The following XPO6 variants were observed in gnomAD, a reference collection of about 807,000 sequenced individuals.
The protein encoded by XPO6 is exportin-6.
A neutral mutation model predicts 130.0 loss-of-function variants in XPO6; 3 were observed. The ratio of observed to expected loss-of-function variants is 0.02; its 90% CI spans 0.01 to 0.06. The LOEUF (loss-of-function observed/expected upper bound fraction) is 0.06. Ranked by LOEUF, XPO6 falls within the 10% of genes least tolerant of loss-of-function variation. XPO6 has a pLI of 1.00. For missense variants in XPO6, 970 were observed against 1,393.0 expected (o/e 0.70, Z 4.83); for synonymous variants, 524 against 548.9 (o/e 0.95, Z 0.63).
chr16:28,142,892 G>A (rs1223852744), intron 9 of XPO6, among the ~76,000 whole-genome samples: 1 of 152,040 alleles, frequency 6.6e-6, no homozygotes, highest in African/African-American at 2.4e-5. Context: ...TTAAGTTTTT[G>A]TAGAGACAGG....
chr16:28,124,175 A>T (rs2087329748), intron 13 of XPO6, among the ~76,000 whole-genome samples: 1 of 150,980 alleles, frequency 6.6e-6, no homozygotes. Context: ...CTCCTGTCTC[A>T]GCCTCCTGAG....
chr16:28,189,619 A>AAACG (rs2043753881), intron 1 of XPO6, among the ~76,000 whole-genome samples: 1 of 151,596 alleles, frequency 6.6e-6, no homozygotes, highest in Non-Finnish European at 1.5e-5. Flanking sequence ...TGAAGCAAAC[A>AAACG]GACAACCACA....
chr16:28,128,723 C>T (rs976634168), intron 12 of XPO6, among the ~76,000 whole-genome samples: 9 of 152,150 alleles, frequency 5.9e-5, no homozygotes, highest in African/African-American at 9.7e-5. Context: ...TCCTGGACCT[C>T]GGCTGAATGC....
At chr16:28,190,893 G>A (rs2043776084) in intron 1 of XPO6, among the ~76,000 whole-genome samples, 1 of 13,706 alleles carries the variant, frequency 7.3e-5, no homozygotes, top group Non-Finnish European at 1.4e-4. Flanking sequence ...TATAAAGAGG[G>A]AACGTGCAAA....
chr16:28,100,655 C>T (rs977768377), intron 23 of XPO6, among the ~76,000 whole-genome samples: 3 of 152,184 alleles, frequency 2.0e-5, no homozygotes, highest in Admixed American at 6.5e-5. Context: ...AGGGAGAAAG[C>T]GATTTCTTTT....
chr16:28,127,492 T>C (rs1432388636), intron 12 of XPO6, among the ~76,000 whole-genome samples: 1 of 152,124 alleles, frequency 6.6e-6, no homozygotes, highest in African/African-American at 2.4e-5. Flanking sequence ...ATGATTTAGA[T>C]GCAACAGAAC....
chr16:28,140,471 A>G (rs2042869764), intron 9 of XPO6, among the ~76,000 whole-genome samples: 1 of 152,136 alleles, frequency 6.6e-6, no homozygotes, highest in African/African-American at 2.4e-5. Flanking sequence ...CAAGGTCATG[A>G]GATTGAGACC....
Position 28,156,335 on chromosome 16 carries a change from C to G in XPO6, c.836G>C (p.Arg279Pro), listed in dbSNP as rs746452823. ...TCTGGCCCGGATGTCACAGCCAAAT[C>G]GTGCAAAGTGGAAGATGGTGGTAAG... ...SLLTTIFHFARFGCDIRARKM... is the reference protein window; with the variant it reads ...SLLTTIFHFAPFGCDIRARKM... The change falls in exon 7 of 24, where the codon CGA (arginine) becomes CCA (proline). Residue 279 changes from arginine (R) to proline (P), a missense_variant. By Grantham distance (103) the Arg-to-Pro change is moderately radical. This residue lies in a region of XPO6 where 936 missense variants were observed against 1,306.8 expected (regional missense o/e 0.72). Transcript: ENST00000304658. 2.5e-6 allele frequency: 4 copies of G among 1,613,828 alleles called. No individual in the cohort carries two copies. Among genetic ancestry groups the G allele is most frequent in the Non-Finnish European group, 3.4e-6 (4 of 1,180,004 alleles).
Position 28,107,658 on chromosome 16 carries a change from C to T in XPO6, c.2361G>A (p.Gln787=). 1 of 1,613,886 alleles carries T rather than the reference C, an allele frequency of 6.2e-7. No individual in the cohort carries two copies. The highest frequency in any genetic ancestry group is 1.3e-5 in the African/African-American group (1 of 74,990). The change falls in exon 18 of 24, where the codon CAG becomes CAA. Residue 787 remains glutamine (Q), a synonymous_variant. Coordinates refer to ENST00000304658, the MANE Select transcript of XPO6 (RefSeq NM_015171.4). ...PLDDTKLIIH[Q]TLSVLEDIVE... ...CAATATCTTCTAAGACGCTGAGTGT[C>T]TGGTGGATAATCAGTTTGGCTGCAA...
chr16:28,206,139 TACAC>T (rs138219018), intron 1 of XPO6, among the ~76,000 whole-genome samples: 32 of 142,830 alleles, frequency 2.2e-4, no homozygotes, highest in East Asian at 8.2e-4. Flanking sequence ...TAGAAAGCAA[TACAC>T]ACACACACAC....
At chr16:28,165,142 AG>A (rs1203878936) in intron 6 of XPO6, 1 of 152,242 alleles carries the variant, frequency 6.6e-6, no homozygotes, top group Non-Finnish European at 1.5e-5. Flanking sequence ...GCTGGAGCCC[AG>A]GAAGTCGAGG....
At chr16:28,109,933 G>C (rs998285227) in intron 17 of XPO6, among the ~76,000 whole-genome samples, 2 of 152,204 alleles carry the variant, frequency 1.3e-5, no homozygotes, top group African/African-American at 2.4e-5. Context: ...TTAAGAAAAA[G>C]TGTGTTGCAG....
At chr16:28,146,880 C>T (rs191430818) in intron 8 of XPO6, among the ~76,000 whole-genome samples, 12 of 152,304 alleles carry the variant, frequency 7.9e-5, no homozygotes, top group Admixed American at 6.5e-4. Flanking sequence ...ACAATGAAGA[C>T]CACTGCACTA....
At chr16:28,173,898 G>A (rs1273660684) in intron 4 of XPO6, among the ~76,000 whole-genome samples, 2 of 152,164 alleles carry the variant, frequency 1.3e-5, no homozygotes, top group African/African-American at 2.4e-5. Flanking sequence ...AATCCCAGCG[G>A]TGGAACTGTG....
At position 28,101,386 on chromosome 16, in the gene XPO6, CCTTGCTGCACAGGTGCCAGG is replaced by C; in HGVS notation, c.3276+52_3276+71del. The C allele has an allele frequency of 7.2e-7, 1 of 1,392,524 alleles. No individual in the cohort carries two copies. Among genetic ancestry groups the C allele is most frequent in the Non-Finnish European group, 1.0e-6 (1 of 984,142 alleles). 86.3% of individuals were successfully genotyped at this position (1,392,524 alleles called of 1,614,324 possible). ...GCCCAGAGGCCTCAATGTGCCCCCT[CCTTGCTGCACAGGTGCCAGG>C]CTTGCGTGCCCACTCTGCCCTCCTC... On this transcript the variant is annotated intron_variant, in intron 23 of 23. Transcript: ENST00000304658. This position sits in a 1 kb window ranked among gnomAD's most constrained non-coding sequence, Gnocchi z 5.4.
intron 9 of XPO6, among the ~76,000 whole-genome samples, chr16:28,144,437 T>C (rs1313333490): frequency 6.6e-6 from 1 of 152,228 alleles, no homozygotes; most frequent in Non-Finnish European, 1.5e-5. Context: ...AGTCTCACTA[T>C]GTTCCCAGCC....
intron 2 of XPO6, among the ~76,000 whole-genome samples, chr16:28,180,407 T>C (rs987962271): frequency 2.0e-5 from 3 of 152,116 alleles, no homozygotes; most frequent in Admixed American, 1.3e-4. Flanking sequence ...GGATCTTACA[T>C]TGCCCAGGCA....
chr16:28,184,001 A>C (rs1248394036), intron 1 of XPO6, among the ~76,000 whole-genome samples: 3 of 152,190 alleles, frequency 2.0e-5, no homozygotes, highest in Non-Finnish European at 4.4e-5. Context: ...TTTGGCAACA[A>C]AGCCACCGGA....
intron 1 of XPO6, among the ~76,000 whole-genome samples, chr16:28,190,844 A>G (rs1294141659): frequency 1.3e-5 from 2 of 152,098 alleles, no homozygotes; most frequent in Non-Finnish European, 2.9e-5. Flanking sequence ...GTGTGTGTGA[A>G]TGTACATGCA....
Sources: gnomAD v4.1 joint callset for allele counts (sites outside exome capture counted in the v4.1 genomes callset) on GRCh38, gnomAD v4.1.1 for gene constraint, gnomAD v4.1.1 regional missense constraint, Gnocchi (gnomAD v3.1) non-coding constraint, MANE v1.5 for transcripts, NCBI Gene and HGNC (gene_info 2026-07-23, HGNC 2026-07-21) for gene names.